Variants in BCO1 observed in about 807,000 individuals in gnomAD.
The protein encoded by BCO1 is beta-carotene oxygenase 1, also known as beta,beta-carotene 15,15'-dioxygenase.
Under a neutral mutation model 56.3 loss-of-function variants are expected in BCO1, and 54 were observed. The ratio of observed to expected loss-of-function variants is 0.96; its 90% CI spans 0.77 to 1.20. BCO1 has a LOEUF of 1.20. Among genes scored for constraint, BCO1 ranks in the 50% most tolerant of loss-of-function variants. The pLI is 0.00. For synonymous variants in BCO1, 318 were observed against 266.1 expected (o/e 1.20, Z -1.90); for missense variants, 801 against 690.9 (o/e 1.16, Z -1.79).
chr16:81,239,051 C>A, intron 1 of BCO1, 79 bp downstream of exon 1: 1 of 1,297,842 alleles, frequency 7.7e-7, no homozygotes, highest in South Asian at 1.4e-5. Flanking sequence ...GAGTCTCGCT[C>A]TGTCGCCCGG....
intron 2 of BCO1, among the ~76,000 whole-genome samples, chr16:81,250,096 C>T (rs576615107): frequency 6.6e-6 from 1 of 152,320 alleles, no homozygotes; most frequent in South Asian, 2.1e-4. Flanking sequence ...TGTCCATCCA[C>T]AACTCAGCCC....
At chr16:81,241,564 C>T (rs1248558747) in intron 1 of BCO1, among the ~76,000 whole-genome samples, 1 of 152,196 alleles carries the variant, frequency 6.6e-6, no homozygotes, top group Non-Finnish European at 1.5e-5. Flanking sequence ...TACCCAGACC[C>T]ACGGGGTCAG....
chr16:81,239,115 C>G, intron 1 of BCO1, 143 bp downstream of exon 1: 3 of 688,702 alleles, frequency 4.4e-6, no homozygotes, highest in Non-Finnish European at 7.3e-6. Context: ...CTCCTGGGTT[C>G]AAACGATCCT....
chr16:81,258,548 A>G (rs1906288663), intron 2 of BCO1, among the ~76,000 whole-genome samples: 1 of 152,200 alleles, frequency 6.6e-6, no homozygotes, highest in East Asian at 1.9e-4. Context: ...CCACATATGC[A>G]GCCTTCTAGA....
At chr16:81,287,792 A>G (rs1184004403) in intron 10 of BCO1, among the ~76,000 whole-genome samples, 1 of 152,130 alleles carries the variant, frequency 6.6e-6, no homozygotes, top group Non-Finnish European at 1.5e-5. Flanking sequence ...GTGCCTCTCC[A>G]AGTAGAGTCA....
rs769523486 is a variant in BCO1 at position 81,262,120 on chromosome 16, T to A, written c.324-16T>A. The A allele has an allele frequency of 3.7e-6, 6 of 1,612,956 alleles. No homozygotes were observed. In the African/African-American group the frequency reaches 5.3e-5, roughly 14 times the overall value. On this transcript the variant is annotated splice_polypyrimidine_tract_variant and intron_variant, in intron 3 of 10. Transcript: ENST00000258168. Reference sequence around the variant, plus strand: ...GGACATAGCCACTGACTCTGTTGATTTGCTTTTCTCCCCAGAGCTTTCTCC... The same window carrying A: ...GGACATAGCCACTGACTCTGTTGATATGCTTTTCTCCCCAGAGCTTTCTCC...
At chr16:81,270,893 C>T (rs748518912) in intron 7 of BCO1, among the ~76,000 whole-genome samples, 15 of 151,882 alleles carry the variant, frequency 9.9e-5, no homozygotes, top group Admixed American at 1.3e-4. Flanking sequence ...TACAGGTGCC[C>T]GCCACCATGC....
At chr16:81,255,424 A>T (rs549910915) in intron 2 of BCO1, among the ~76,000 whole-genome samples, 1 of 152,350 alleles carries the variant, frequency 6.6e-6, no homozygotes, top group East Asian at 1.9e-4. Flanking sequence ...TTGGTAAAAA[A>T]GTTGGAACCT....
chr16:81,277,439 T>C (rs543220482), intron 7 of BCO1, among the ~76,000 whole-genome samples: 1 of 152,346 alleles, frequency 6.6e-6, no homozygotes, highest in Non-Finnish European at 1.5e-5. Context: ...GCCTGCACGA[T>C]GTGTGTGGCC....
intron 8 of BCO1, 117 bp from the exon 9 acceptor site, chr16:81,285,423 T>C (rs1432802741): frequency 5.1e-6 from 4 of 789,260 alleles, no homozygotes; most frequent in Admixed American, 1.9e-5. Context: ...TAAATCAAGC[T>C]CAAGGATCTT....
chr16:81,242,966 A>G (rs541938034), intron 1 of BCO1, among the ~76,000 whole-genome samples: 7 of 152,150 alleles, frequency 4.6e-5, no homozygotes, highest in African/African-American at 1.7e-4. Flanking sequence ...TCCATGGAAA[A>G]ATTATCTTCC....
chr16:81,273,881 C>T (rs1487961992), intron 7 of BCO1, among the ~76,000 whole-genome samples: 1 of 152,160 alleles, frequency 6.6e-6, no homozygotes, highest in Non-Finnish European at 1.5e-5. Flanking sequence ...ATCGTGGCAC[C>T]GCACTGAGAC....
intron 2 of BCO1, 135 bp from the exon 3 acceptor site, chr16:81,259,541 C>T: frequency 1.1e-6 from 1 of 871,972 alleles, no homozygotes. Context: ...ATTGTATCGG[C>T]CCTGTGTACT....
chr16:81,274,258 CTTTTTT>C (rs755672295), intron 7 of BCO1, among the ~76,000 whole-genome samples: 114 of 80,536 alleles, frequency 1.4e-3, no homozygotes, highest in Non-Finnish European at 5.1e-4. Flanking sequence ...GCTTGTGTAT[CTTTTTT>C]TTTTTTTTTT....
intron 4 of BCO1, chr16:81,262,853 A>AC (rs1906579590): frequency 1.9e-5 from 3 of 154,782 alleles, no homozygotes; most frequent in Non-Finnish European, 4.2e-5. Context: ...AAAAAAAAAA[A>AC]AAACAAGACA....
intron 2 of BCO1, among the ~76,000 whole-genome samples, chr16:81,253,536 C>A (rs1905940124): frequency 6.6e-6 from 1 of 152,184 alleles, no homozygotes; most frequent in Non-Finnish European, 1.5e-5. Flanking sequence ...ATTTTCACTC[C>A]TGGCCCATCA....
intron 2 of BCO1, among the ~76,000 whole-genome samples, chr16:81,253,658 C>A (rs1344148635): frequency 6.6e-6 from 1 of 152,178 alleles, no homozygotes; most frequent in African/African-American, 2.4e-5. Context: ...GAATAAATCT[C>A]CCCCTACAGA....
At chr16:81,247,063 T>G (rs1905469717) in intron 2 of BCO1, among the ~76,000 whole-genome samples, 1 of 152,152 alleles carries the variant, frequency 6.6e-6, no homozygotes, top group Non-Finnish European at 1.5e-5. Context: ...TCTTTGCTGT[T>G]GGCCATTGAG....
intron 2 of BCO1, among the ~76,000 whole-genome samples, chr16:81,254,583 G>A (rs2151932437): frequency 6.6e-6 from 1 of 151,862 alleles, no homozygotes; most frequent in Middle Eastern, 3.4e-3. Context: ...TATAATTAGT[G>A]TTACTATTAT....
Sources: gnomAD v4.1 joint callset for allele counts (sites outside exome capture counted in the v4.1 genomes callset) on GRCh38, gnomAD v4.1.1 for gene constraint, MANE v1.5 for transcripts, NCBI Gene and HGNC (gene_info 2026-07-23, HGNC 2026-07-21) for gene names.